Variants in UBE2U observed in about 807,000 individuals in gnomAD.
The protein encoded by UBE2U is ubiquitin-conjugating enzyme E2 U.
UBE2U carries 39 observed loss-of-function variants against 41.2 expected under a neutral mutation model. That is an observed-to-expected ratio of 0.95 (90% CI 0.73 to 1.24). UBE2U has a LOEUF of 1.24. UBE2U is among the 50% of genes most tolerant of loss of function. The probability of loss-of-function intolerance (pLI) is 0.00; values close to 1 mark genes in which losing one functional copy is unlikely to be tolerated. For missense variants in UBE2U, 336 were observed against 363.1 expected (o/e 0.93, Z 0.61); for synonymous variants, 107 against 117.8 (o/e 0.91, Z 0.60).
At chr1:64,244,357 C>T (rs981086846) in intron 8 of UBE2U, 1 of 723,428 alleles carries the variant, frequency 1.4e-6, no homozygotes, top group Non-Finnish European at 1.7e-6. Context: ...TATTATATAT[C>T]TGTTACATAT....
intron 7 of UBE2U, among the ~76,000 whole-genome samples, chr1:64,240,680 A>G (rs987006796): frequency 2.1e-4 from 32 of 152,182 alleles, no homozygotes; most frequent in Admixed American, 1.3e-3. Flanking sequence ...ATTTTGTTAA[A>G]CTATGATGTC....
At position 64,237,304 on chromosome 1, in the gene UBE2U, G is replaced by GAA. The variant is rs35861714; in HGVS notation, c.596-4331_596-4330dup. Among the ~76,000 whole-genome samples, 350 of 95,736 alleles carry GAA rather than the reference G, an allele frequency of 3.7e-3. 5 individuals are homozygous for GAA. Among genetic ancestry groups the GAA allele is most frequent in the African/African-American group, 0.01 (223 of 21,584 alleles). 62.8% of individuals were successfully genotyped at this position (95,736 alleles called of 152,430 possible). On this transcript the variant is annotated intron_variant, in intron 7 of 9. Transcript: ENST00000371077. ...GATGTTGGACAAGAGATGTATCATA[G>GAA]AAAAAAAAAAAAAAAAAAGCAGAGT...
intron 5 of UBE2U, 121 bp from the exon 6 acceptor site, chr1:64,220,738 A>G: frequency 1.3e-6 from 1 of 794,212 alleles, no homozygotes; most frequent in Non-Finnish European, 2.0e-6. Flanking sequence ...TCTCCTTGAG[A>G]TTTTATATCT....
At chr1:64,233,206 A>G (rs1185583591) in intron 7 of UBE2U, among the ~76,000 whole-genome samples, 2 of 151,950 alleles carry the variant, frequency 1.3e-5, no homozygotes, top group Non-Finnish European at 1.5e-5. Context: ...ACGGGGTTTC[A>G]GTGTGTTAGC....
intron 7 of UBE2U, among the ~76,000 whole-genome samples, chr1:64,237,361 C>A (rs1287352383): frequency 5.4e-5 from 8 of 147,776 alleles, no homozygotes; most frequent in Admixed American, 5.4e-4. Context: ...GCAGAAGGCA[C>A]AACAGAAAAG....
At chr1:64,244,398 T>G in intron 8 of UBE2U, 1 of 475,656 alleles carries the variant, frequency 2.1e-6, no homozygotes, top group Non-Finnish European at 2.8e-6. Context: ...GCATCACACA[T>G]AGGCATTCAA....
intron 8 of UBE2U, among the ~76,000 whole-genome samples, chr1:64,259,936 C>A (rs1391206827): frequency 6.6e-6 from 1 of 151,594 alleles, no homozygotes; most frequent in Non-Finnish European, 1.5e-5. Flanking sequence ...AAAATAGGGT[C>A]TTTGCAGATA....
At chr1:64,235,104 A>T (rs990724341) in intron 7 of UBE2U, among the ~76,000 whole-genome samples, 3 of 152,248 alleles carry the variant, frequency 2.0e-5, no homozygotes, top group African/African-American at 4.8e-5. Flanking sequence ...AAGAATAATT[A>T]AAAAATGGAA....
At chr1:64,228,619 A>G (rs1653044014) in intron 6 of UBE2U, among the ~76,000 whole-genome samples, 1 of 151,258 alleles carries the variant, frequency 6.6e-6, no homozygotes, top group Non-Finnish European at 1.5e-5. Context: ...GAAAGTATTT[A>G]GATGTTTTCA....
chr1:64,244,324 TA>T, intron 8 of UBE2U: 3 of 942,762 alleles, frequency 3.2e-6, no homozygotes, highest in Non-Finnish European at 3.9e-6. Flanking sequence ...GAGATATAAA[TA>T]AAAATTATAT....
At chr1:64,245,032 GTGAT>G (rs1644897195) in intron 8 of UBE2U, among the ~76,000 whole-genome samples, 1 of 152,170 alleles carries the variant, frequency 6.6e-6, no homozygotes, top group Non-Finnish European at 1.5e-5. Context: ...GTTGGAAACA[GTGAT>G]TGAAAACTGG....
intron 9 of UBE2U, among the ~76,000 whole-genome samples, chr1:64,261,879 A>G (rs58909532): frequency 0.047 from 7,110 of 152,214 alleles, 528 homozygotes; most frequent in African/African-American, 0.16. Flanking sequence ...ATGTCTCTAT[A>G]GCTCAGCTCT....
intron 5 of UBE2U, 127 bp downstream of exon 5, chr1:64,215,059 CCT>C: frequency 1.6e-6 from 1 of 621,930 alleles, no homozygotes; most frequent in South Asian, 1.9e-5. Context: ...ATGGAGAAAC[CCT>C]GTCTCTACTA....
intron 7 of UBE2U, among the ~76,000 whole-genome samples, chr1:64,240,938 C>T (rs2100455086): frequency 6.6e-6 from 1 of 152,064 alleles, no homozygotes; most frequent in South Asian, 2.1e-4. Flanking sequence ...CCACATTGGC[C>T]AGGCTATATT....
chr1:64,251,733 C>G (rs997466779), intron 8 of UBE2U, among the ~76,000 whole-genome samples: 2 of 152,178 alleles, frequency 1.3e-5, no homozygotes, highest in Non-Finnish European at 2.9e-5. Flanking sequence ...CCCTCATGAG[C>G]CCCTGCTACC....
chr1:64,206,665 G>C (rs1390224254), intron 2 of UBE2U, 99 bp from the exon 3 acceptor site: 4 of 702,180 alleles, frequency 5.7e-6, no homozygotes, highest in Non-Finnish European at 9.4e-6. Flanking sequence ...ATAAAACTGT[G>C]GAAAGACTAA....
At chr1:64,216,466 A>G (rs1415390082) in intron 5 of UBE2U, among the ~76,000 whole-genome samples, 1 of 152,234 alleles carries the variant, frequency 6.6e-6, no homozygotes, top group East Asian at 1.9e-4. Flanking sequence ...GGGATTTCCT[A>G]TGGAAAAAGA....
At chr1:64,247,300 T>C (rs1644937095) in intron 8 of UBE2U, among the ~76,000 whole-genome samples, 1 of 152,176 alleles carries the variant, frequency 6.6e-6, no homozygotes, top group Non-Finnish European at 1.5e-5. Context: ...CCACCCCTAC[T>C]ATAAACACCA....
intron 7 of UBE2U, among the ~76,000 whole-genome samples, chr1:64,239,414 C>A (rs1644794571): frequency 6.6e-6 from 1 of 152,008 alleles, no homozygotes; most frequent in Non-Finnish European, 1.5e-5. Context: ...TAGATGTGCA[C>A]AACGTGCAGG....
Sources: allele counts gnomAD v4.1 joint callset (sites outside exome capture counted in the v4.1 genomes callset), GRCh38; gene constraint gnomAD v4.1.1; transcripts MANE v1.5; gene names NCBI Gene and HGNC (gene_info 2026-07-23, HGNC 2026-07-21).